Variants in TMEM196 observed in about 807,000 individuals in gnomAD.
TMEM196 encodes the protein transmembrane protein 196.
TMEM196 carries 17 observed loss-of-function variants against 20.0 expected under a neutral mutation model. The ratio of observed to expected loss-of-function variants is 0.85; its 90% confidence interval spans 0.58 to 1.27. The LOEUF (loss-of-function observed/expected upper bound fraction) is 1.27, where lower values mean the gene tolerates loss of function less well. TMEM196 is among the 50% of genes most tolerant of loss of function. The probability of loss-of-function intolerance (pLI) is 0.00; values close to 1 mark genes in which losing one functional copy is unlikely to be tolerated. For synonymous variants in TMEM196, 113 were observed against 88.9 expected (o/e 1.27, Z -1.52); for missense variants, 267 against 223.0 (o/e 1.20, Z -1.26).
intron 1 of TMEM196, among the ~76,000 whole-genome samples, chr7:19,739,704 T>A (rs539705499): frequency 6.6e-6 from 1 of 152,266 alleles, no homozygotes; most frequent in African/African-American, 2.4e-5. Flanking sequence ...TATGAACAGA[T>A]ACTTCCCTGA....
intron 1 of TMEM196, among the ~76,000 whole-genome samples, chr7:19,743,522 A>G (rs1165150178): frequency 6.6e-6 from 1 of 152,206 alleles, no homozygotes; most frequent in Non-Finnish European, 1.5e-5. Flanking sequence ...GTATAAAAGT[A>G]TGATTTTCTT....
chr7:19,753,779 T>G (rs1012597836), intron 1 of TMEM196, among the ~76,000 whole-genome samples: 8 of 152,210 alleles, frequency 5.3e-5, no homozygotes, highest in Admixed American at 2.0e-4. Flanking sequence ...AGCCTACCTC[T>G]TCAAGCTCCC....
chr7:19,753,473 C>G (rs1180852293), intron 1 of TMEM196, among the ~76,000 whole-genome samples: 6 of 152,238 alleles, frequency 3.9e-5, no homozygotes, highest in Non-Finnish European at 8.8e-5. Context: ...CCAATCTTTT[C>G]AACCCATGTT....
rs185614283 is a variant in TMEM196, at chr7:19,729,515, A to G, written c.148-77T>C. ...CTAGATTTTAGCTTGTAGTTCACTC[A>G]TGACACTTTCTCCAGGGAAGATAGA... On this transcript the variant is annotated intron_variant, in intron 1 of 4. Transcript: ENST00000405844. 2,559 of 1,311,330 alleles carry G rather than the reference A, an allele frequency of 2.0e-3. 3 individuals carry two copies. The highest frequency in any genetic ancestry group is 2.5e-3 in the Non-Finnish European group (2,340 of 946,440). 81.2% of individuals were successfully genotyped at this position (1,311,330 alleles called of 1,614,324 possible).
chr7:19,738,710 AT>A (rs986505719), intron 1 of TMEM196, among the ~76,000 whole-genome samples: 2 of 152,262 alleles, frequency 1.3e-5, no homozygotes, highest in Non-Finnish European at 2.9e-5. Flanking sequence ...AAGCACCAAA[AT>A]AAAACAGCAT....
chr7:19,726,342 TA>T (rs755443323), intron 2 of TMEM196, among the ~76,000 whole-genome samples: 7 of 152,182 alleles, frequency 4.6e-5, no homozygotes, highest in African/African-American at 7.2e-5. Flanking sequence ...TTCAAATCTT[TA>T]TATCTTCCTA....
chr7:19,723,324 A>G (rs1783876140), intron 4 of TMEM196, among the ~76,000 whole-genome samples: 1 of 152,130 alleles, frequency 6.6e-6, no homozygotes, highest in Non-Finnish European at 1.5e-5. Flanking sequence ...TACTAGGAGA[A>G]AAATCAAATT....
intron 1 of TMEM196, among the ~76,000 whole-genome samples, chr7:19,746,974 G>A (rs1033686930): frequency 1.3e-5 from 2 of 152,118 alleles, no homozygotes; most frequent in African/African-American, 4.8e-5. Flanking sequence ...AGAAAATCCC[G>A]GCCGGGCGTG....
chr7:19,733,496 T>G (rs61480327), intron 1 of TMEM196, among the ~76,000 whole-genome samples: 59,338 of 151,926 alleles, frequency 0.39, 12,933 homozygotes, highest in East Asian at 0.87. Context: ...ACACATTTGT[T>G]TGTGTTGAGG....
chr7:19,766,536 T>C (rs1222808885), intron 1 of TMEM196, among the ~76,000 whole-genome samples: 1 of 150,858 alleles, frequency 6.6e-6, no homozygotes, highest in Non-Finnish European at 1.5e-5. Context: ...ATATAAAATA[T>C]ATAGGATCAT....
intron 1 of TMEM196, among the ~76,000 whole-genome samples, chr7:19,766,611 G>A (rs1213385274): frequency 6.6e-6 from 1 of 151,356 alleles, no homozygotes; most frequent in Admixed American, 6.6e-5. Flanking sequence ...TAATGCAGTA[G>A]TGAAATGAAA....
At position 19,719,878 on chromosome 7, in the gene TMEM196, C is replaced by T. The variant is rs1005630804; in HGVS notation, c.*2250G>A. ...ATCTCTTTTTAACTATACATCAAAG[C>T]AGTGATATGTCTCCTTTTGTCCTTT... On this transcript the variant is annotated 3_prime_UTR_variant, in exon 5 of 5. Transcript: ENST00000405844. 6.6e-5 allele frequency: 10 copies of T among 151,986 alleles called. No homozygotes were observed. 9.4% of individuals were successfully genotyped at this position (151,986 alleles called of 1,614,324 possible). A position where few individuals can be genotyped will look rare whatever the true frequency, so the allele number is the denominator to read the frequency against.
chr7:19,764,721 G>C (rs1266366206), intron 1 of TMEM196, among the ~76,000 whole-genome samples: 1 of 152,116 alleles, frequency 6.6e-6, no homozygotes, highest in African/African-American at 2.4e-5. Context: ...TAAGGCTTAA[G>C]CTTTAATGGC....
At chr7:19,730,192 C>T (rs539288587) in intron 1 of TMEM196, among the ~76,000 whole-genome samples, 1 of 151,048 alleles carries the variant, frequency 6.6e-6, no homozygotes, top group East Asian at 2.0e-4. Flanking sequence ...GGAGGCGAGG[C>T]TTGCAGTGAG....
intron 1 of TMEM196, among the ~76,000 whole-genome samples, chr7:19,732,930 T>C (rs1784265047): frequency 6.6e-6 from 1 of 152,196 alleles, no homozygotes; most frequent in Non-Finnish European, 1.5e-5. Flanking sequence ...AAAAACAAAT[T>C]AGCTAAAAAA....
At chr7:19,734,828 G>A (rs1212395340) in intron 1 of TMEM196, among the ~76,000 whole-genome samples, 1 of 152,076 alleles carries the variant, frequency 6.6e-6, no homozygotes, top group Non-Finnish European at 1.5e-5. Flanking sequence ...AGAAGCAACA[G>A]GAAACTAATA....
chr7:19,742,127 C>A (rs1562615909), intron 1 of TMEM196, among the ~76,000 whole-genome samples: 1 of 152,100 alleles, frequency 6.6e-6, no homozygotes, highest in Non-Finnish European at 1.5e-5. Context: ...AACGTATGAA[C>A]AGTCAAAATA....
In TMEM196 at chr7:19,720,491, A is replaced by T. The variant is rs888674058; in HGVS notation, c.*1637T>A. On this transcript the variant is annotated 3_prime_UTR_variant, in exon 5 of 5. Coordinates refer to ENST00000405844, the MANE Select transcript of TMEM196 (RefSeq NM_001363562.2). ...CTATGGTTCAACAAGTAACTCATAA[A>T]AAATGACTTGAAAATTGATTAGATT... 10 of 152,162 alleles carry T rather than the reference A, an allele frequency of 6.6e-5. No homozygotes were observed. The highest frequency in any genetic ancestry group is 3.4e-3 in the Middle Eastern group (1 of 294). The allele number at this position is 152,162 out of a possible 1,614,324, so 9.4% of individuals were successfully genotyped here. A position where few individuals can be genotyped will look rare whatever the true frequency, so the allele number is the denominator to read the frequency against.
rs1783907072 is a variant in TMEM196 at position 19,724,163 on chromosome 7, G to C, written c.533+117C>G. The C allele has an allele frequency of 3.3e-6, 3 of 916,220 alleles. No homozygotes were observed. In the East Asian group the frequency reaches 8.0e-5, roughly 24 times the overall value. 56.8% of individuals were successfully genotyped at this position (916,220 alleles called of 1,614,324 possible). A position where few individuals can be genotyped will look rare whatever the true frequency, so the allele number is the denominator to read the frequency against. On this transcript the variant is annotated intron_variant, in intron 4 of 4. Coordinates refer to ENST00000405844, the MANE Select transcript of TMEM196 (RefSeq NM_001363562.2). ...AGCGCTTACGAAAGCGATACTTTGA[G>C]AAACAACATTAAACAACATCAGTTC...
Sources: gnomAD v4.1 joint callset for allele counts (sites outside exome capture counted in the v4.1 genomes callset) on GRCh38, gnomAD v4.1.1 for gene constraint, MANE v1.5 for transcripts, NCBI Gene and HGNC (gene_info 2026-07-23, HGNC 2026-07-21) for gene names.